The following RBFOX1 variants were observed in gnomAD, a reference collection of about 807,000 sequenced individuals.
The protein encoded by RBFOX1 is RNA binding protein fox-1 homolog 1.
RBFOX1 carries 8 observed loss-of-function variants against 57.7 expected under a neutral mutation model. The ratio of observed to expected loss-of-function variants is 0.14; its 90% CI spans 0.08 to 0.25. The LOEUF is 0.25. Ranked by LOEUF, RBFOX1 falls within the 10% of genes least tolerant of loss-of-function variation. RBFOX1 has a pLI of 1.00. For missense variants in RBFOX1, 611 were observed against 548.5 expected (o/e 1.11, Z -1.14); for synonymous variants, 326 against 222.4 (o/e 1.47, Z -4.15).
intron 1 of RBFOX1, among the ~76,000 whole-genome samples, chr16:6,056,528 G>C (rs949859681): frequency 6.6e-6 from 1 of 152,118 alleles, no homozygotes; most frequent in Non-Finnish European, 1.5e-5. Context: ...TAAAAACCTT[G>C]TAATTTATTT....
At chr16:5,705,472 A>C (rs560226424) in intron 3 of RBFOX1, among the ~76,000 whole-genome samples, 1 of 152,328 alleles carries the variant, frequency 6.6e-6, no homozygotes, top group South Asian at 2.1e-4. Flanking sequence ...TATATTGCCC[A>C]GGCTGGTTTC....
chr16:5,676,690 A>G (rs533641474), intron 3 of RBFOX1, among the ~76,000 whole-genome samples: 7 of 152,270 alleles, frequency 4.6e-5, no homozygotes, highest in East Asian at 1.9e-4. Context: ...ACAAAACCTC[A>G]TCTCTACTAA....
chr16:5,335,595 C>T (rs946040385), intron 1 of RBFOX1, among the ~76,000 whole-genome samples: 6 of 152,152 alleles, frequency 3.9e-5, no homozygotes, highest in African/African-American at 1.4e-4. Context: ...CCTTCCTCTT[C>T]TCCATTGCAC....
At position 7,128,294 on chromosome 16, in the gene RBFOX1, G is replaced by A. The variant is rs142141521; in HGVS notation, c.27+76196G>A. On this transcript the variant is annotated intron_variant, in intron 4 of 15. Coordinates refer to ENST00000550418, the MANE Select transcript of RBFOX1 (RefSeq NM_018723.4). ...ATCCTCACAATAATTCTGCAAGATA[G>A]GTACTATACTTAACCCCATTTTAAT... Among the ~76,000 whole-genome samples the A allele has an allele frequency of 2.1e-3, 319 of 152,260 alleles. 1 individual carries two copies. The highest frequency in any genetic ancestry group is 7.3e-3 in the African/African-American group (302 of 41,544).
chr16:7,395,508 C>G (rs938061158), intron 4 of RBFOX1, among the ~76,000 whole-genome samples: 1 of 152,042 alleles, frequency 6.6e-6, no homozygotes, highest in East Asian at 1.9e-4. Context: ...TTTTGTTGGA[C>G]GGAATACTAA....
At chr16:7,359,749 C>A (rs2097284823) in intron 4 of RBFOX1, among the ~76,000 whole-genome samples, 1 of 152,164 alleles carries the variant, frequency 6.6e-6, no homozygotes, top group Non-Finnish European at 1.5e-5. Flanking sequence ...CTTTGGGAGG[C>A]TGAGGTGGGT....
intron 2 of RBFOX1, among the ~76,000 whole-genome samples, chr16:6,540,611 CAAAAAAAA>C (rs140566519): frequency 3.4e-4 from 23 of 67,668 alleles, no homozygotes; most frequent in Admixed American, 8.7e-4. Context: ...GACTCTGTCT[CAAAAAAAA>C]AAAAAAAAAA....
At chr16:6,039,483 A>T (rs2095412846) in intron 1 of RBFOX1, among the ~76,000 whole-genome samples, 1 of 152,178 alleles carries the variant, frequency 6.6e-6, no homozygotes, top group South Asian at 2.1e-4. Flanking sequence ...TGAGGAGGGC[A>T]CATGATTTGG....
intron 4 of RBFOX1, among the ~76,000 whole-genome samples, chr16:7,257,238 C>T (rs2094726526): frequency 6.6e-6 from 1 of 152,130 alleles, no homozygotes; most frequent in African/African-American, 2.4e-5. Context: ...CTGTAATCCC[C>T]AGCTGAGAGT....
At chr16:7,136,855 T>C (rs1235098059) in intron 4 of RBFOX1, among the ~76,000 whole-genome samples, 1 of 152,128 alleles carries the variant, frequency 6.6e-6, no homozygotes, top group East Asian at 1.9e-4. Flanking sequence ...GCTACATGGG[T>C]TTATTTCTCT....
At chr16:6,884,038 C>G (rs2063473056) in intron 3 of RBFOX1, among the ~76,000 whole-genome samples, 3 of 152,100 alleles carry the variant, frequency 2.0e-5, no homozygotes, top group South Asian at 2.1e-4. Context: ...TTCTGACAAA[C>G]TGATCCTGTT....
At chr16:7,486,442 T>A (rs1206806495) in intron 4 of RBFOX1, among the ~76,000 whole-genome samples, 1 of 152,016 alleles carries the variant, frequency 6.6e-6, no homozygotes, top group Non-Finnish European at 1.5e-5. Flanking sequence ...CGGCCTTGTG[T>A]CTTTTCTACG....
intron 3 of RBFOX1, among the ~76,000 whole-genome samples, chr16:6,745,697 T>C (rs1037891010): frequency 6.6e-6 from 1 of 152,226 alleles, no homozygotes; most frequent in African/African-American, 2.4e-5. Flanking sequence ...TCATGCTTAA[T>C]GAGGAAATAC....
At chr16:7,077,902 TTTTATTGAGGAGCCAAAATGTTTGCTCAA>T (rs2058554977) in intron 4 of RBFOX1, among the ~76,000 whole-genome samples, 1 of 152,176 alleles carries the variant, frequency 6.6e-6, no homozygotes, top group East Asian at 1.9e-4. Flanking sequence ...GAGATTGTGC[TTTTATTGAGGAGCCAAAATGTTTGCTCAA>T]CTCATTAGGC....
intron 3 of RBFOX1, among the ~76,000 whole-genome samples, chr16:6,820,488 C>G (rs1162660624): frequency 2.6e-5 from 4 of 152,036 alleles, no homozygotes; most frequent in East Asian, 1.9e-4. Context: ...AAAACCGTCT[C>G]TACAGAAAAA....
chr16:6,685,444 T>TTTC (rs2059302580), intron 3 of RBFOX1, among the ~76,000 whole-genome samples: 1 of 127,324 alleles, frequency 7.9e-6, no homozygotes, highest in African/African-American at 3.2e-5. Flanking sequence ...CCCAGCTAAT[T>TTTC]TTTTTTTTTT....
chr16:6,591,803 CA>C (rs2097715147), intron 2 of RBFOX1, among the ~76,000 whole-genome samples: 1 of 152,138 alleles, frequency 6.6e-6, no homozygotes, highest in South Asian at 2.1e-4. Context: ...AACGCACTAA[CA>C]AACCTCACTT....
At chr16:5,987,994 CT>C (rs1237807497) in intron 4 of RBFOX1, among the ~76,000 whole-genome samples, 3 of 152,262 alleles carry the variant, frequency 2.0e-5, no homozygotes, top group African/African-American at 7.2e-5. Flanking sequence ...CAGAGACAAG[CT>C]GCAAATCTCT....
At chr16:6,953,984 C>G (rs899991904) in intron 3 of RBFOX1, among the ~76,000 whole-genome samples, 8 of 152,202 alleles carry the variant, frequency 5.3e-5, no homozygotes, top group Non-Finnish European at 7.4e-5. Context: ...TTTACATACC[C>G]GATAGGTCTT....
Sources: allele counts gnomAD v4.1 joint callset (sites outside exome capture counted in the v4.1 genomes callset), GRCh38; gene constraint gnomAD v4.1.1; transcripts MANE v1.5; gene names NCBI Gene and HGNC (gene_info 2026-07-23, HGNC 2026-07-21).